Variants in DOCK4 observed in about 807,000 individuals in gnomAD.
DOCK4 encodes dedicator of cytokinesis protein 4.
DOCK4 carries 97 observed loss-of-function variants against 268.1 expected under a neutral mutation model. The observed-to-expected ratio is 0.36, with a 90% CI of 0.31 to 0.43. The LOEUF is 0.43. DOCK4 is among the 20% of genes least tolerant of loss of function. DOCK4 has a pLI of 1.00. For synonymous variants in DOCK4, 954 were observed against 887.2 expected (o/e 1.08, Z -1.34); for missense variants, 2,145 against 2,455.7 (o/e 0.87, Z 2.67).
intron 1 of DOCK4, among the ~76,000 whole-genome samples, chr7:112,036,841 A>C (rs1803832041): frequency 1.3e-5 from 2 of 151,870 alleles, no homozygotes; most frequent in African/African-American, 4.8e-5. Flanking sequence ...TTGTATTTTT[A>C]GTAAAGAAGG....
At chr7:111,991,576 C>T (rs1173232101) in intron 5 of DOCK4, among the ~76,000 whole-genome samples, 1 of 151,982 alleles carries the variant, frequency 6.6e-6, no homozygotes, top group African/African-American at 2.4e-5. Context: ...AAAATGAAAA[C>T]AGTACAGGTT....
chr7:111,951,069 G>A (rs1796011608), intron 8 of DOCK4, among the ~76,000 whole-genome samples: 1 of 152,080 alleles, frequency 6.6e-6, no homozygotes, highest in African/African-American at 2.4e-5. Context: ...CCATGTATGA[G>A]TCATTATAAA....
rs186035099 is a variant in DOCK4 at position 112,039,613 on chromosome 7, C to T, written c.38-35482G>A. 1.7e-3 allele frequency among the ~76,000 whole-genome samples: 262 copies of T among 152,128 alleles called. 1 individual carries two copies. The highest frequency in any genetic ancestry group is 6.1e-3 in the African/African-American group (255 of 41,508). ...CCACTTGCCCCCCGAGCCAGCTTTA[C>T]CTAGGTATATGGGCTAGAGTAGAGT... On this transcript the variant is annotated intron_variant, in intron 1 of 52. Coordinates refer to ENST00000428084, the MANE Select transcript of DOCK4 (RefSeq NM_001363540.2).
intron 42 of DOCK4, among the ~76,000 whole-genome samples, chr7:111,749,856 A>G (rs1796514443): frequency 6.6e-6 from 1 of 152,224 alleles, no homozygotes; most frequent in Non-Finnish European, 1.5e-5. Flanking sequence ...GGAAATAAGT[A>G]TTCCTAAGAC....
intron 1 of DOCK4, among the ~76,000 whole-genome samples, chr7:112,056,313 G>A (rs972449114): frequency 2.0e-5 from 3 of 152,156 alleles, no homozygotes; most frequent in Admixed American, 2.0e-4. Flanking sequence ...TGAGGCACAG[G>A]AGAACATATT....
chr7:111,878,582 C>T (rs1405767996), intron 16 of DOCK4, among the ~76,000 whole-genome samples: 11 of 152,314 alleles, frequency 7.2e-5, no homozygotes, highest in South Asian at 4.1e-4. Context: ...GAATCTCCAA[C>T]GTCCTCTCCC....
At chr7:111,769,196 T>A (rs1354423189) in intron 37 of DOCK4, among the ~76,000 whole-genome samples, 1 of 152,168 alleles carries the variant, frequency 6.6e-6, no homozygotes, top group African/African-American at 2.4e-5. Context: ...TTACTGGGGA[T>A]CAAAATCTCT....
At chr7:111,829,441 G>A (rs1172183345) in intron 26 of DOCK4, among the ~76,000 whole-genome samples, 1 of 152,164 alleles carries the variant, frequency 6.6e-6, no homozygotes, top group Non-Finnish European at 1.5e-5. Flanking sequence ...GATGAAATGT[G>A]GGTTAAGCAC....
chr7:111,948,534 T>G (rs1451719975), intron 8 of DOCK4, among the ~76,000 whole-genome samples: 1 of 152,140 alleles, frequency 6.6e-6, no homozygotes, highest in African/African-American at 2.4e-5. Flanking sequence ...AGAATCCTGA[T>G]TTAGCAGGTT....
intron 8 of DOCK4, among the ~76,000 whole-genome samples, chr7:111,967,280 A>G (rs1797375462): frequency 6.6e-5 from 1 of 15,172 alleles, no homozygotes; most frequent in South Asian, 6.0e-3. Flanking sequence ...CCCTGTTTGC[A>G]GACGACATGA....
At chr7:112,000,362 T>C (rs1286222826) in intron 3 of DOCK4, 132 bp downstream of exon 3, 7 of 564,080 alleles carry the variant, frequency 1.2e-5, no homozygotes, top group African/African-American at 1.9e-5. Context: ...TTTCCAAAAT[T>C]ATAAAAATTT....
intron 12 of DOCK4, among the ~76,000 whole-genome samples, chr7:111,934,538 T>TTTG (rs2134707161): frequency 1.4e-5 from 2 of 144,906 alleles, no homozygotes; most frequent in African/African-American, 5.1e-5. Context: ...TTTTTTTTTT[T>TTTG]TTTTTTTTTT....
chr7:111,734,929 C>T, intron 51 of DOCK4, 125 bp downstream of exon 51: 2 of 717,728 alleles, frequency 2.8e-6, no homozygotes, highest in Non-Finnish European at 4.8e-6. Flanking sequence ...AGGAATTATG[C>T]AGCTACTAAG....
intron 8 of DOCK4, among the ~76,000 whole-genome samples, chr7:111,948,647 T>G (rs1485658318): frequency 2.0e-5 from 3 of 151,268 alleles, no homozygotes; most frequent in Non-Finnish European, 4.4e-5. Context: ...CAGGGTAGAG[T>G]GCAATGGCGC....
At chr7:112,168,636 T>C (rs1163007977) in intron 1 of DOCK4, among the ~76,000 whole-genome samples, 2 of 151,964 alleles carry the variant, frequency 1.3e-5, no homozygotes, top group Non-Finnish European at 2.9e-5. Context: ...ACCTGGGAGG[T>C]CAAGGCTTCA....
intron 1 of DOCK4, among the ~76,000 whole-genome samples, chr7:112,117,357 C>T (rs970421658): frequency 1.3e-4 from 19 of 141,978 alleles, no homozygotes; most frequent in African/African-American, 4.6e-4. Context: ...TAGCTTCATA[C>T]CTTTTCTTTC....
chr7:111,968,476 C>A (rs1255685929), intron 8 of DOCK4, among the ~76,000 whole-genome samples: 1 of 95,890 alleles, frequency 1.0e-5, no homozygotes, highest in Admixed American at 9.7e-5. Context: ...TCATCACTGG[C>A]CATCAGAGAA....
At chr7:111,779,026 G>A (rs1238723653) in intron 35 of DOCK4, among the ~76,000 whole-genome samples, 1 of 151,542 alleles carries the variant, frequency 6.6e-6, no homozygotes, top group African/African-American at 2.4e-5. Flanking sequence ...CTGCACTGCA[G>A]CCTGGTGACA....
intron 23 of DOCK4, among the ~76,000 whole-genome samples, chr7:111,850,612 C>T (rs1006952855): frequency 6.6e-6 from 1 of 152,168 alleles, no homozygotes; most frequent in East Asian, 1.9e-4. Flanking sequence ...CCTGCCTTAA[C>T]TGATGACATT....
Sources: allele counts gnomAD v4.1 joint callset (sites outside exome capture counted in the v4.1 genomes callset), GRCh38; gene constraint gnomAD v4.1.1; transcripts MANE v1.5; gene names NCBI Gene and HGNC (gene_info 2026-07-23, HGNC 2026-07-21).